CTNNA3: variants seen among roughly 807,000 people sequenced by gnomAD.
CTNNA3 encodes catenin alpha 3, also known as catenin alpha-3.
Under a neutral mutation model 95.7 loss-of-function variants are expected in CTNNA3, and 76 were observed. That is an observed-to-expected ratio of 0.79 (90% CI 0.66 to 0.96). The LOEUF (loss-of-function observed/expected upper bound fraction) is 0.96, where lower values mean the gene tolerates loss of function less well. CTNNA3 is among the 40% of genes least tolerant of loss of function. The pLI is 0.00. For synonymous variants in CTNNA3, 431 were observed against 374.4 expected (o/e 1.15, Z -1.74); for missense variants, 1,191 against 1,089.8 (o/e 1.09, Z -1.31).
chr10:66,147,982 C>A (rs1236992240), intron 13 of CTNNA3, among the ~76,000 whole-genome samples: 1 of 151,088 alleles, frequency 6.6e-6, no homozygotes, highest in Non-Finnish European at 1.5e-5. Flanking sequence ...GATGCTATCC[C>A]CATTTTTGTT....
intron 7 of CTNNA3, among the ~76,000 whole-genome samples, chr10:66,842,108 T>C (rs1843086118): frequency 6.6e-6 from 1 of 151,842 alleles, no homozygotes. Flanking sequence ...TCGTTTTTCT[T>C]TTTTTCTTTT....
chr10:67,726,134 T>C (rs1352755030), intron 1 of CTNNA3, among the ~76,000 whole-genome samples: 1 of 111,052 alleles, frequency 9.0e-6, no homozygotes, highest in African/African-American at 3.7e-5. Context: ...TTAGATAATA[T>C]ATATTATATT....
At chr10:66,487,386 A>G (rs897791369) in intron 11 of CTNNA3, among the ~76,000 whole-genome samples, 1 of 151,444 alleles carries the variant, frequency 6.6e-6, no homozygotes, top group African/African-American at 2.4e-5. Context: ...TATTTTTAGT[A>G]GTGACGGGGT....
intron 12 of CTNNA3, among the ~76,000 whole-genome samples, chr10:66,282,952 G>A (rs577937491): frequency 1.1e-4 from 17 of 151,850 alleles, no homozygotes; most frequent in African/African-American, 3.9e-4. Flanking sequence ...TAGGTACAAT[G>A]AAACATGTCC....
At chr10:66,819,012 C>T (rs1431014491) in intron 7 of CTNNA3, among the ~76,000 whole-genome samples, 3 of 150,834 alleles carry the variant, frequency 2.0e-5, no homozygotes, top group Non-Finnish European at 2.9e-5. Flanking sequence ...CTCTCTTGAG[C>T]CACGGAGGCA....
chr10:67,668,014 ATTG>A (rs1378615045), intron 1 of CTNNA3, among the ~76,000 whole-genome samples: 4 of 152,042 alleles, frequency 2.6e-5, no homozygotes, highest in South Asian at 2.1e-4. Context: ...TAATTTTGTT[ATTG>A]TTGTTGTTTC....
chr10:66,338,456 CA>C (rs2092419951), intron 12 of CTNNA3, among the ~76,000 whole-genome samples: 1 of 151,892 alleles, frequency 6.6e-6, no homozygotes, highest in African/African-American at 2.4e-5. Context: ...GAATAAGCCT[CA>C]AAAAGTGCTT....
rs186572289 is a variant in CTNNA3, at chr10:66,789,991, A to C, written c.1048-14467T>G. On this transcript the variant is annotated intron_variant, in intron 7 of 17. Transcript: ENST00000433211. ...TTGCTGATGGAGGAGTGAAGGGAAAATATATTAAAAATGACACAGAGGACA... is the reference window on the plus strand; with the variant it reads ...TTGCTGATGGAGGAGTGAAGGGAAACTATATTAAAAATGACACAGAGGACA... Among the ~76,000 whole-genome samples, 32 of 152,238 alleles carry C rather than the reference A, an allele frequency of 2.1e-4. No homozygotes were observed. The East Asian group carries it at 6.0e-3, about 28-fold the overall frequency.
chr10:66,963,911 C>T lies in CTNNA3; in HGVS notation c.1048-188387G>A, dbSNP rs1054824174. Among the ~76,000 whole-genome samples the T allele has an allele frequency of 4.0e-5, 6 of 151,364 alleles. No individual in the cohort carries two copies. The East Asian group carries it at 9.8e-4, about 25-fold the overall frequency. Reference sequence around the variant, plus strand: ...AGGCTGGAGTGCAGTGGCGCAATCTCGGTTCACTGAAACCTCCAACTCCCT... The same window carrying T: ...AGGCTGGAGTGCAGTGGCGCAATCTTGGTTCACTGAAACCTCCAACTCCCT... On this transcript the variant is annotated intron_variant, in intron 7 of 17. Coordinates refer to ENST00000433211, the MANE Select transcript of CTNNA3 (RefSeq NM_013266.4).
intron 9 of CTNNA3, among the ~76,000 whole-genome samples, chr10:66,740,339 G>T (rs545067516): frequency 6.6e-6 from 1 of 152,286 alleles, no homozygotes; most frequent in Non-Finnish European, 1.5e-5. Context: ...GTCCCACACT[G>T]GCACAGCATC....
chr10:66,021,765 A>G (rs1156739302), intron 15 of CTNNA3, among the ~76,000 whole-genome samples: 1 of 151,464 alleles, frequency 6.6e-6, no homozygotes, highest in African/African-American at 2.4e-5. Context: ...TAAACTTAGA[A>G]TATTTTTAGC....
rs369996884 is a variant in CTNNA3, at chr10:67,056,154, C to T, written c.1047+124163G>A. Among the ~76,000 whole-genome samples, 5 of 152,174 alleles carry T rather than the reference C, an allele frequency of 3.3e-5. No homozygotes were observed. In the East Asian group the frequency reaches 9.7e-4, roughly 29 times the overall value. ...CTACAGCCTGAAATACATACTGTCG[C>T]CCATTCATGGAATTTATATCACATA... On this transcript the variant is annotated intron_variant, in intron 7 of 17. Transcript: ENST00000433211.
intron 7 of CTNNA3, among the ~76,000 whole-genome samples, chr10:67,142,159 C>T (rs780121409): frequency 9.2e-5 from 14 of 151,962 alleles, no homozygotes; most frequent in Admixed American, 1.3e-4. Flanking sequence ...AGGACGTAGT[C>T]GGGGGCAGGT....
chr10:66,775,350 G>T, intron 8 of CTNNA3, 94 bp downstream of exon 8: 1 of 807,612 alleles, frequency 1.2e-6, no homozygotes, highest in Non-Finnish European at 2.0e-6. Flanking sequence ...AAATTAATTT[G>T]AAAGGAACAA....
intron 5 of CTNNA3, among the ~76,000 whole-genome samples, chr10:67,307,649 T>C (rs1840611393): frequency 6.6e-6 from 1 of 152,218 alleles, no homozygotes; most frequent in Non-Finnish European, 1.5e-5. Flanking sequence ...TTAATTTCAG[T>C]ATTCTAGATA....
intron 7 of CTNNA3, among the ~76,000 whole-genome samples, chr10:67,157,838 T>C (rs1442041733): frequency 1.3e-5 from 2 of 152,146 alleles, no homozygotes; most frequent in African/African-American, 4.8e-5. Context: ...CTCTAGGTTC[T>C]AAAAGTCTCA....
intron 9 of CTNNA3, among the ~76,000 whole-genome samples, chr10:66,638,508 A>G (rs886078690): frequency 1.3e-5 from 2 of 152,174 alleles, no homozygotes; most frequent in Admixed American, 1.3e-4. Flanking sequence ...TGATATTAAT[A>G]GGCTTAATCT....
intron 10 of CTNNA3, among the ~76,000 whole-genome samples, chr10:66,591,109 C>T (rs561938405): frequency 6.6e-6 from 1 of 152,140 alleles, no homozygotes; most frequent in Admixed American, 6.6e-5. Context: ...CGGGAAAGAA[C>T]AGAACATCAT....
chr10:65,973,541 T>C (rs2078151043), intron 16 of CTNNA3, among the ~76,000 whole-genome samples: 1 of 152,074 alleles, frequency 6.6e-6, no homozygotes, highest in East Asian at 1.9e-4. Flanking sequence ...TGGTACGAGT[T>C]AGGTCATTCT....
Sources: gnomAD v4.1 joint callset for allele counts (sites outside exome capture counted in the v4.1 genomes callset) on GRCh38, gnomAD v4.1.1 for gene constraint, MANE v1.5 for transcripts, NCBI Gene and HGNC (gene_info 2026-07-23, HGNC 2026-07-21) for gene names.